Variants in CLSTN2 observed in about 807,000 individuals in gnomAD.
CLSTN2 encodes calsyntenin 2, also known as calsyntenin-2.
CLSTN2 carries 48 observed loss-of-function variants against 101.2 expected under a neutral mutation model. That is an observed-to-expected ratio of 0.47 (90% CI 0.38 to 0.60). The LOEUF is 0.60. Among genes scored for constraint, CLSTN2 ranks in the 20% least tolerant of loss-of-function variants. The probability of loss-of-function intolerance (pLI) is 0.00; values close to 1 mark genes in which losing one functional copy is unlikely to be tolerated. For synonymous variants in CLSTN2, 481 were observed against 463.6 expected, an observed-to-expected ratio of 1.04 and a Z score of -0.48; for missense variants, 1,160 against 1,238.2, an observed-to-expected ratio of 0.94 and a Z score of 0.95.
chr3:139,984,845 T>C (rs1464533149), intron 1 of CLSTN2, among the ~76,000 whole-genome samples: 2 of 152,206 alleles, frequency 1.3e-5, no homozygotes. Context: ...GGATCCTAAC[T>C]GAATATCTCA....
chr3:139,999,904 A>G (rs1242058724), intron 1 of CLSTN2, among the ~76,000 whole-genome samples: 1 of 151,790 alleles, frequency 6.6e-6, no homozygotes, highest in African/African-American at 2.4e-5. Context: ...GCAGAGAGCT[A>G]TGATCACGCC....
At chr3:140,123,970 A>T (rs1056034700) in intron 1 of CLSTN2, among the ~76,000 whole-genome samples, 9 of 152,076 alleles carry the variant, frequency 5.9e-5, no homozygotes, top group Non-Finnish European at 1.2e-4. Flanking sequence ...AAAAACAATC[A>T]CACTGGGGGT....
chr3:140,527,152 G>A (rs1935160597), intron 8 of CLSTN2, among the ~76,000 whole-genome samples: 1 of 152,082 alleles, frequency 6.6e-6, no homozygotes, highest in South Asian at 2.1e-4. Context: ...ACAGCCTACA[G>A]GATGGGAGAA....
chr3:140,552,401 T>TTA (rs1935719386), intron 10 of CLSTN2, among the ~76,000 whole-genome samples: 3 of 138,848 alleles, frequency 2.2e-5, no homozygotes, highest in African/African-American at 7.9e-5. Context: ...TACCGCAGTT[T>TTA]AAAAAAAAAA....
chr3:140,382,269 C>T (rs1167640039), intron 2 of CLSTN2, among the ~76,000 whole-genome samples: 1 of 152,194 alleles, frequency 6.6e-6, no homozygotes, highest in African/African-American at 2.4e-5. Context: ...TCCCAGACTA[C>T]ATGGATCATG....
At chr3:140,485,958 C>A (rs1934232925) in intron 8 of CLSTN2, among the ~76,000 whole-genome samples, 1 of 146,676 alleles carries the variant, frequency 6.8e-6, no homozygotes, top group African/African-American at 2.5e-5. Context: ...TGCGCTGCAC[C>A]CACTGTCCGA....
intron 1 of CLSTN2, among the ~76,000 whole-genome samples, chr3:140,005,267 C>T (rs1179225260): frequency 6.6e-6 from 1 of 152,220 alleles, no homozygotes. Context: ...TGAGCCACAT[C>T]CGTGGGTGGA....
At chr3:140,045,226 G>A (rs142565080) in intron 1 of CLSTN2, among the ~76,000 whole-genome samples, 1 of 152,176 alleles carries the variant, frequency 6.6e-6, no homozygotes, top group Non-Finnish European at 1.5e-5. Flanking sequence ...TTGGTCTATT[G>A]AGGGATTCAA....
intron 1 of CLSTN2, among the ~76,000 whole-genome samples, chr3:140,077,445 T>C (rs970556188): frequency 2.6e-5 from 4 of 152,226 alleles, no homozygotes; most frequent in African/African-American, 9.6e-5. Flanking sequence ...TCAAAACTCC[T>C]TCCTTGAACC....
chr3:140,049,571 A>G (rs979512740), intron 1 of CLSTN2, among the ~76,000 whole-genome samples: 5 of 152,188 alleles, frequency 3.3e-5, no homozygotes, highest in Admixed American at 6.5e-5. Context: ...CAATGAGGCC[A>G]GGTGGGGTTG....
chr3:140,391,688 T>G (rs1193149796), intron 2 of CLSTN2, among the ~76,000 whole-genome samples: 1 of 151,996 alleles, frequency 6.6e-6, no homozygotes, highest in African/African-American at 2.4e-5. Context: ...AGAATTATAA[T>G]GTAATGACTA....
chr3:140,091,323 A>G (rs1290631960), intron 1 of CLSTN2, among the ~76,000 whole-genome samples: 2 of 152,124 alleles, frequency 1.3e-5, no homozygotes, highest in Non-Finnish European at 2.9e-5. Flanking sequence ...CTTGAGCCTT[A>G]ACAAAGCAGT....
At chr3:140,424,542 C>T (rs1559865840) in intron 5 of CLSTN2, among the ~76,000 whole-genome samples, 1 of 152,210 alleles carries the variant, frequency 6.6e-6, no homozygotes, top group East Asian at 1.9e-4. Flanking sequence ...CAGGTAAGAA[C>T]TGACCACAAC....
intron 7 of CLSTN2, chr3:140,462,758 A>AG (rs1446582521): frequency 6.6e-6 from 1 of 152,078 alleles, no homozygotes; most frequent in Non-Finnish European, 1.5e-5. Context: ...ATGGGTCTGG[A>AG]GGGTAGGCAA....
chr3:140,171,062 G>A (rs2010204953), intron 1 of CLSTN2, among the ~76,000 whole-genome samples: 1 of 152,168 alleles, frequency 6.6e-6, no homozygotes, highest in South Asian at 2.1e-4. Context: ...CAGGCCCCTA[G>A]GTTTAATTAA....
At chr3:140,386,952 A>T (rs146011241) in intron 2 of CLSTN2, among the ~76,000 whole-genome samples, 51 of 152,316 alleles carry the variant, frequency 3.3e-4, no homozygotes, top group Non-Finnish European at 6.5e-4. Context: ...CCTAACCTTG[A>T]CCAAAGCACA....
chr3:140,325,684 A>G (rs906325529), intron 2 of CLSTN2, among the ~76,000 whole-genome samples: 1 of 152,186 alleles, frequency 6.6e-6, no homozygotes, highest in Admixed American at 6.5e-5. Flanking sequence ...TCTTTATTTT[A>G]AAAGTGTTTT....
intron 1 of CLSTN2, among the ~76,000 whole-genome samples, chr3:140,018,391 C>T (rs758745050): frequency 3.7e-4 from 57 of 152,162 alleles, no homozygotes; most frequent in Admixed American, 7.2e-4. Flanking sequence ...TGCTTGAGCA[C>T]GGGGGTTGGC....
chr3:140,157,273 C>T (rs1248617865), intron 1 of CLSTN2, among the ~76,000 whole-genome samples: 1 of 151,990 alleles, frequency 6.6e-6, no homozygotes, highest in Non-Finnish European at 1.5e-5. Context: ...GGGAGGAGCT[C>T]CTCCTCCTCA....
Sources: gnomAD v4.1 joint callset for allele counts (sites outside exome capture counted in the v4.1 genomes callset) on GRCh38, gnomAD v4.1.1 for gene constraint, MANE v1.5 for transcripts, NCBI Gene and HGNC (gene_info 2026-07-23, HGNC 2026-07-21) for gene names.